KCTD14: variants seen among roughly 807,000 people sequenced by gnomAD.
The protein encoded by KCTD14 is BTB/POZ domain-containing protein KCTD14.
In KCTD14, 7 loss-of-function variants were observed where a neutral mutation model predicts 5.9. That is an observed-to-expected ratio of 1.19 (90% CI 0.68 to 2.23). KCTD14 has a LOEUF of 2.23. Ranked by LOEUF, KCTD14 falls within the 30% of genes most tolerant of loss-of-function variation. The pLI is 0.00. For missense variants in KCTD14, 342 were observed against 332.2 expected (o/e 1.03, Z -0.23); for synonymous variants, 140 against 133.1 (o/e 1.05, Z -0.36).
chr11:78,030,113 A>G (rs533104620), intron 2 of KCTD14, among the ~76,000 whole-genome samples: 58 of 152,164 alleles, frequency 3.8e-4, no homozygotes, highest in Non-Finnish European at 6.8e-4. Flanking sequence ...TTAGAGCAAG[A>G]GCTCTCTCTG....
intron 2 of KCTD14, among the ~76,000 whole-genome samples, chr11:78,031,846 T>G (rs1039978664): frequency 6.6e-6 from 1 of 152,212 alleles, no homozygotes; most frequent in Non-Finnish European, 1.5e-5. Context: ...GAATATCTGG[T>G]TTCACAGTGT....
In KCTD14 at chr11:78,015,807, T is replaced by C. The variant is rs1857147857; in HGVS notation, c.*786A>G. ...AGAGGAAAAAAACTGAGTAAGAATG[T>C]GCTCTCAGAAGAAGACTGACTTCAG... is the stretch of plus-strand genomic sequence containing the variant. On this transcript the variant is annotated 3_prime_UTR_variant, in exon 2 of 2. Coordinates refer to ENST00000353172, the MANE Select transcript of KCTD14 (RefSeq NM_023930.4). 6.6e-6 allele frequency: 1 copy of C among 152,222 alleles called. No individual in the cohort carries two copies. The highest frequency in any genetic ancestry group is 2.4e-5 in the African/African-American group (1 of 41,450). The allele number at this position is 152,222 out of a possible 1,614,324, so 9.4% of individuals were successfully genotyped here.
rs1041188146 is a variant in KCTD14 at position 78,037,774 on chromosome 11, G to A, written c.-1+890C>T. On this transcript the variant is annotated intron_variant, in intron 2 of 2. Transcript: ENST00000533144. ...GCAGAGGTTGCAGTGAGCCAAGATC[G>A]CGCCACTGCACTCCAGCCTAGTCAA... 6.6e-5 allele frequency among the ~76,000 whole-genome samples: 10 copies of A among 151,922 alleles called. No individual in the cohort carries two copies. In the East Asian group the frequency reaches 1.7e-3, roughly 26 times the overall value.
upstream of KCTD14, among the ~76,000 whole-genome samples, chr11:78,027,387 A>G (rs1216801635): frequency 6.9e-6 from 1 of 143,972 alleles, no homozygotes; most frequent in Non-Finnish European, 1.5e-5. Flanking sequence ...TTTTTGAGGC[A>G]GAGCCTCACT....
intron 1 of KCTD14, among the ~76,000 whole-genome samples, chr11:78,041,530 A>T (rs762925491): frequency 6.6e-6 from 1 of 152,234 alleles, no homozygotes; most frequent in Non-Finnish European, 1.5e-5. Context: ...GCACAGCGGG[A>T]GGGACGATGA....
chr11:78,029,185 CAAA>C lies in KCTD14; in HGVS notation c.-1+9476_-1+9478del, dbSNP rs34088894. On this transcript the variant is annotated intron_variant, in intron 2 of 2. Transcript: ENST00000533144. ...GAGCAAAAGAGCAAGACTCTGTCTCCAAAAAAAAAAAAAAAAAGAGAGATGTAT... is the reference window on the plus strand; with the variant it reads ...GAGCAAAAGAGCAAGACTCTGTCTCCAAAAAAAAAAAAAAGAGAGATGTAT... 1.5e-3 allele frequency among the ~76,000 whole-genome samples: 170 copies of C among 113,356 alleles called. 2 individuals carry two copies. Among genetic ancestry groups the C allele is most frequent in the African/African-American group, 4.2e-3 (140 of 33,182 alleles). 74.4% of individuals were successfully genotyped at this position (113,356 alleles called of 152,430 possible). A position where few individuals can be genotyped will look rare whatever the true frequency, so the allele number is the denominator to read the frequency against.
intron 1 of KCTD14, among the ~76,000 whole-genome samples, chr11:78,040,817 G>A (rs1473120236): frequency 3.3e-5 from 5 of 151,930 alleles, no homozygotes; most frequent in African/African-American, 1.2e-4. Context: ...CTACAGGTAC[G>A]CATCACCACG....
intron 2 of KCTD14, among the ~76,000 whole-genome samples, chr11:78,037,863 G>A (rs1206720671): frequency 6.6e-6 from 1 of 152,040 alleles, no homozygotes; most frequent in East Asian, 1.9e-4. Context: ...CTAATGGGAG[G>A]CTTCTGGGAT....
intron 2 of KCTD14, among the ~76,000 whole-genome samples, chr11:78,033,901 G>GTGTGTATATATATATATATATA: frequency 0.033 from 3,787 of 114,874 alleles, 87 homozygotes; most frequent in African/African-American, 0.045. Context: ...GTGTGTGTGT[G>GTGTGTATATATATATATATATA]TATATATATA....
At chr11:78,023,336 AGGCGT>A (rs1857359783), upstream of KCTD14, 1 of 1,346,820 alleles carries the variant, frequency 7.4e-7, no homozygotes, top group Non-Finnish European at 1.0e-6. Flanking sequence ...GGGCTGAGCC[AGGCGT>A]GGCTTGCAGT....
chr11:78,025,532 G>T (rs1386156826), upstream of KCTD14, among the ~76,000 whole-genome samples: 1 of 152,102 alleles, frequency 6.6e-6, no homozygotes, highest in East Asian at 1.9e-4. Context: ...TTGACAGTCA[G>T]TATTAACCAT....
chr11:78,025,939 C>T (rs888246361), upstream of KCTD14, among the ~76,000 whole-genome samples: 1 of 152,126 alleles, frequency 6.6e-6, no homozygotes, highest in African/African-American at 2.4e-5. Flanking sequence ...AGCCAGGTGA[C>T]CAAAATCAGT....
chr11:78,042,706 G>T (rs1383353996), intron 1 of KCTD14, among the ~76,000 whole-genome samples: 1 of 152,202 alleles, frequency 6.6e-6, no homozygotes, highest in African/African-American at 2.4e-5. Flanking sequence ...CACACAAGGA[G>T]TGAGTTTAAG....
chr11:78,034,576 G>A (rs117113254), intron 2 of KCTD14, among the ~76,000 whole-genome samples: 22 of 151,568 alleles, frequency 1.5e-4, no homozygotes, highest in South Asian at 2.1e-4. Context: ...CAGATTGTGC[G>A]ACCTGGGTTC....
chr11:78,019,608 C>T (rs932720940), intron 1 of KCTD14, among the ~76,000 whole-genome samples: 6 of 152,162 alleles, frequency 3.9e-5, no homozygotes, highest in Admixed American at 3.3e-4. Flanking sequence ...CAAGCCACCA[C>T]GCCCAGCAAA....
chr11:78,033,320 G>A (rs1857681898), intron 2 of KCTD14, among the ~76,000 whole-genome samples: 1 of 152,174 alleles, frequency 6.6e-6, no homozygotes, highest in African/African-American at 2.4e-5. Flanking sequence ...TATCCATATA[G>A]TAGAACACTC....
upstream of KCTD14, chr11:78,023,334 C>G (rs1045964308): frequency 8.1e-6 from 11 of 1,358,018 alleles, no homozygotes; most frequent in South Asian, 1.2e-4. Context: ...CGGGGCTGAG[C>G]CAGGCGTGGC....
intron 1 of KCTD14, among the ~76,000 whole-genome samples, chr11:78,044,382 A>G (rs1858075308): frequency 6.6e-6 from 1 of 152,058 alleles, no homozygotes; most frequent in Admixed American, 6.6e-5. Context: ...GACCTGGTGG[A>G]AGAGAGCTTC....
At chr11:78,038,630 C>T in intron 2 of KCTD14, 1 of 1,534,438 alleles carries the variant, frequency 6.5e-7, no homozygotes, top group Non-Finnish European at 8.7e-7. Context: ...ACAGCCCAGA[C>T]ACCTGGACCC....
Sources: allele counts gnomAD v4.1 joint callset (sites outside exome capture counted in the v4.1 genomes callset), GRCh38; gene constraint gnomAD v4.1.1; transcripts MANE v1.5; gene names NCBI Gene and HGNC (gene_info 2026-07-23, HGNC 2026-07-21).